The following HIPK2 variants were observed in gnomAD, a reference collection of about 807,000 sequenced individuals.
The protein encoded by HIPK2 is homeodomain interacting protein kinase 2.
HIPK2 carries 27 observed loss-of-function variants against 113.7 expected under a neutral mutation model. The ratio of observed to expected loss-of-function variants is 0.24; its 90% CI spans 0.17 to 0.33. The LOEUF is 0.33. Ranked by LOEUF, HIPK2 falls within the 10% of genes least tolerant of loss-of-function variation. The probability of loss-of-function intolerance (pLI) is 1.00; values close to 1 mark genes in which losing one functional copy is unlikely to be tolerated. For synonymous variants in HIPK2, 631 were observed against 642.2 expected (o/e 0.98, Z 0.26); for missense variants, 1,257 against 1,588.0 (o/e 0.79, Z 3.54).
At chr7:139,612,024 A>C (rs1183296755) in intron 9 of HIPK2, among the ~76,000 whole-genome samples, 1 of 152,110 alleles carries the variant, frequency 6.6e-6, no homozygotes, top group Non-Finnish European at 1.5e-5. Flanking sequence ...TTCACTTAAA[A>C]ACATGAAGGG....
intron 6 of HIPK2, 88 bp downstream of exon 6, chr7:139,626,513 C>T (rs1239604834): frequency 7.1e-7 from 1 of 1,415,780 alleles, no homozygotes; most frequent in Non-Finnish European, 9.7e-7. Context: ...GTTACCAAGA[C>T]CTTATGGCCG....
intron 1 of HIPK2, among the ~76,000 whole-genome samples, chr7:139,756,981 C>T (rs1157529659): frequency 1.3e-5 from 2 of 152,212 alleles, no homozygotes; most frequent in Admixed American, 1.3e-4. Flanking sequence ...TACATATGAA[C>T]TGATCCATCT....
chr7:139,751,377 G>A (rs562886584), intron 1 of HIPK2, among the ~76,000 whole-genome samples: 1 of 152,198 alleles, frequency 6.6e-6, no homozygotes, highest in Non-Finnish European at 1.5e-5. Flanking sequence ...CCCTTTGTGT[G>A]ACTCAAGAAC....
At chr7:139,703,337 G>A (rs943146840) in intron 2 of HIPK2, among the ~76,000 whole-genome samples, 33 of 152,190 alleles carry the variant, frequency 2.2e-4, no homozygotes, top group South Asian at 1.5e-3. Context: ...TCACAAGTGC[G>A]GACATCATCT....
At chr7:139,606,556 A>G (rs1799622879) in intron 9 of HIPK2, among the ~76,000 whole-genome samples, 1 of 152,244 alleles carries the variant, frequency 6.6e-6, no homozygotes, top group African/African-American at 2.4e-5. Flanking sequence ...GTGAATTAAC[A>G]GACTGAAGGA....
intron 1 of HIPK2, among the ~76,000 whole-genome samples, chr7:139,723,657 C>T (rs1012101320): frequency 6.6e-6 from 1 of 152,232 alleles, no homozygotes; most frequent in Non-Finnish European, 1.5e-5. Context: ...CATTTCACCA[C>T]CCCTAAATAA....
At chr7:139,755,691 C>T (rs764972565) in intron 1 of HIPK2, among the ~76,000 whole-genome samples, 3 of 152,200 alleles carry the variant, frequency 2.0e-5, no homozygotes, top group Non-Finnish European at 4.4e-5. Flanking sequence ...ATGCCAGTCT[C>T]CGGCAGTCCC....
chr7:139,668,801 T>C (rs1009200061), intron 2 of HIPK2, among the ~76,000 whole-genome samples: 1 of 152,228 alleles, frequency 6.6e-6, no homozygotes, highest in African/African-American at 2.4e-5. Flanking sequence ...ATATTAGCTG[T>C]TCTATTTAGT....
At chr7:139,738,484 T>C (rs1228817121) in intron 1 of HIPK2, among the ~76,000 whole-genome samples, 1 of 152,232 alleles carries the variant, frequency 6.6e-6, no homozygotes, top group African/African-American at 2.4e-5. Context: ...AATAGCTACT[T>C]GTGGCTAGTA....
intron 1 of HIPK2, among the ~76,000 whole-genome samples, chr7:139,726,734 G>C (rs942246006): frequency 6.6e-6 from 1 of 152,144 alleles, no homozygotes; most frequent in African/African-American, 2.4e-5. Flanking sequence ...GGATGGGCTG[G>C]GCCTGCATGG....
intron 2 of HIPK2, among the ~76,000 whole-genome samples, chr7:139,635,654 G>A (rs1800785468): frequency 6.6e-6 from 1 of 152,010 alleles, no homozygotes; most frequent in Non-Finnish European, 1.5e-5. Context: ...AAGAACAAAT[G>A]CCCAGGCATC....
intron 2 of HIPK2, among the ~76,000 whole-genome samples, chr7:139,651,824 C>T (rs1801470410): frequency 6.6e-6 from 1 of 152,154 alleles, no homozygotes; most frequent in Non-Finnish European, 1.5e-5. Context: ...ACAGTGTGAA[C>T]TTTAAGAGGA....
intron 1 of HIPK2, among the ~76,000 whole-genome samples, chr7:139,741,950 T>C (rs1796109007): frequency 6.6e-6 from 1 of 152,234 alleles, no homozygotes; most frequent in Non-Finnish European, 1.5e-5. Flanking sequence ...GAGGTCATTA[T>C]TATCATCCTC....
At chr7:139,737,705 A>G (rs760337213) in intron 1 of HIPK2, among the ~76,000 whole-genome samples, 1 of 152,222 alleles carries the variant, frequency 6.6e-6, no homozygotes, top group Non-Finnish European at 1.5e-5. Context: ...CAGGGTCACG[A>G]CTAAGCCATA....
intron 6 of HIPK2, among the ~76,000 whole-genome samples, chr7:139,623,558 A>T (rs376016591): frequency 1.1e-4 from 16 of 151,654 alleles, no homozygotes; most frequent in African/African-American, 3.6e-4. Flanking sequence ...GACAAATCCC[A>T]TAACAAGAGT....
At chr7:139,748,178 T>C (rs1019506469) in intron 1 of HIPK2, among the ~76,000 whole-genome samples, 1 of 152,224 alleles carries the variant, frequency 6.6e-6, no homozygotes, top group Non-Finnish European at 1.5e-5. Context: ...CTTCGGAAGC[T>C]GGTCTGCCCA....
intron 2 of HIPK2, among the ~76,000 whole-genome samples, chr7:139,673,311 A>G (rs1028828886): frequency 2.0e-5 from 3 of 152,222 alleles, no homozygotes; most frequent in African/African-American, 7.2e-5. Context: ...GAGTAGGGGC[A>G]GGCTTCTGAC....
In HIPK2 at chr7:139,575,181, G is replaced by T; in HGVS notation, c.3073C>A (p.Gln1025Lys). ...TGGAAGTGGGGGCCCGGCCGCTGCT[G>T]CCGGTAGGTGATGGCTCCAGATGAG... ...GSSSGAITYR[Q>K]QRPGPHFQQQ... is the part of the protein sequence containing the mutation. Residue 1025 changes from glutamine to lysine, a missense_variant, in exon 14 of 15, where the codon CAG becomes AAG. Physicochemically the swap from Gln to Lys is moderately conservative, Grantham distance 53 (BLOSUM62 1). This residue lies in a region of HIPK2 where 862 missense variants were observed against 1,004.3 expected (regional missense o/e 0.86). Transcript: ENST00000406875. The T allele has an allele frequency of 6.3e-7, 1 of 1,591,488 alleles. No homozygotes were observed. The highest frequency in any genetic ancestry group is 8.6e-7 in the Non-Finnish European group (1 of 1,169,348).
rs1202880324 is a variant in HIPK2, at chr7:139,563,003, A to ATGAC, written c.*9920_*9923dup. The ATGAC allele has an allele frequency of 3.3e-5, 5 of 152,098 alleles. No homozygotes were observed. The highest frequency in any genetic ancestry group is 7.3e-5 in the Non-Finnish European group (5 of 68,038). The allele number at this position is 152,098 out of a possible 1,614,324, so 9.4% of individuals were successfully genotyped here. A position where few individuals can be genotyped will look rare whatever the true frequency, so the allele number is the denominator to read the frequency against. On this transcript the variant is annotated 3_prime_UTR_variant, in exon 15 of 15. Transcript: ENST00000406875. Reference sequence around the variant, plus strand: ...TGAAGAGATGATTTGGGGGCTAGAGATGACTGTGCCCTGGAAAGTCCATGG... The same window carrying ATGAC: ...TGAAGAGATGATTTGGGGGCTAGAGATGACTGACTGTGCCCTGGAAAGTCCATGG...
Sources: allele counts gnomAD v4.1 joint callset (sites outside exome capture counted in the v4.1 genomes callset), GRCh38; gene constraint gnomAD v4.1.1; regional missense constraint gnomAD v4.1.1; transcripts MANE v1.5; gene names NCBI Gene and HGNC (gene_info 2026-07-23, HGNC 2026-07-21).